The following ABCG2 variants were observed in gnomAD, a reference collection of about 807,000 sequenced individuals.
ABCG2 encodes ATP binding cassette subfamily G member 2 (JR blood group), also known as broad substrate specificity ATP-binding cassette transporter ABCG2.
In ABCG2, 80 loss-of-function variants were observed where a neutral mutation model predicts 73.5. The observed-to-expected ratio is 1.09, with a 90% CI of 0.91 to 1.31. The LOEUF (loss-of-function observed/expected upper bound fraction) is 1.31, where lower values mean the gene tolerates loss of function less well. Among genes scored for constraint, ABCG2 ranks in the 50% most tolerant of loss-of-function variants. The probability of loss-of-function intolerance (pLI) is 0.00; values close to 1 mark genes in which losing one functional copy is unlikely to be tolerated. For missense variants in ABCG2, 796 were observed against 786.2 expected (o/e 1.01, Z -0.15); for synonymous variants, 269 against 282.4 (o/e 0.95, Z 0.48).
In ABCG2 at chr4:88,117,380, C is replaced by T. The variant is rs1345182878; in HGVS notation, c.841+729G>A. Among the ~76,000 whole-genome samples, 3 of 151,848 alleles carry T rather than the reference C, an allele frequency of 2.0e-5. No individual in the cohort carries two copies. The East Asian group carries it at 5.8e-4, about 29-fold the overall frequency. The stretch of plus-strand genomic sequence containing the variant: ...GGGTGCAGTGGCTCACACCTATAAT[C>T]CCAGCACGTTGGGAGGCCGAGGTGG... On this transcript the variant is annotated intron_variant, in intron 7 of 15. Transcript: ENST00000237612.
chr4:88,118,554 CA>C lies in ABCG2; in HGVS notation c.690-295del, dbSNP rs1723755824. Among the ~76,000 whole-genome samples, 3 of 152,264 alleles carry C rather than the reference CA, an allele frequency of 2.0e-5. No individual in the cohort carries two copies. In the East Asian group the frequency reaches 5.8e-4, roughly 29 times the overall value. On this transcript the variant is annotated intron_variant, in intron 6 of 15. Transcript: ENST00000237612. ...CCAGACATTGAATTAGAATCTCTGG[CA>C]GTAGGTCTAGGGAATCCATATTTTA...
chr4:88,115,964 A>T (rs1412184351), intron 7 of ABCG2, among the ~76,000 whole-genome samples: 1 of 152,118 alleles, frequency 6.6e-6, no homozygotes. Flanking sequence ...GGAGGCCGAG[A>T]CCAGCAAACC....
chr4:88,160,116 C>T (rs913329180), upstream of ABCG2, among the ~76,000 whole-genome samples: 3 of 151,834 alleles, frequency 2.0e-5, no homozygotes, highest in African/African-American at 7.3e-5. Context: ...GGTGGCGAGG[C>T]TGTAATCCCA....
At chr4:88,127,010 T>C (rs189412924) in intron 5 of ABCG2, among the ~76,000 whole-genome samples, 89 of 152,328 alleles carry the variant, frequency 5.8e-4, no homozygotes, top group African/African-American at 1.9e-3. Context: ...GATGACATGA[T>C]TGTATATTTA....
At chr4:88,214,934 A>T (rs765371535) in intron 1 of ABCG2, among the ~76,000 whole-genome samples, 20 of 151,162 alleles carry the variant, frequency 1.3e-4, no homozygotes, top group Non-Finnish European at 1.9e-4. Context: ...ACAAAAATTT[A>T]AAAAATTATT....
At chr4:88,158,759 C>T, upstream of ABCG2, 1 of 381,066 alleles carries the variant, frequency 2.6e-6, no homozygotes, top group East Asian at 9.0e-5. Flanking sequence ...CGCGCGGCGG[C>T]CGGCGTGGGA....
At chr4:88,114,384 T>C (rs1047613594) in intron 8 of ABCG2, among the ~76,000 whole-genome samples, 1 of 152,150 alleles carries the variant, frequency 6.6e-6, no homozygotes, top group Non-Finnish European at 1.5e-5. Flanking sequence ...CCCAACACTT[T>C]GGGAGGCCAA....
chr4:88,143,019 C>T (rs1156853405), intron 1 of ABCG2, among the ~76,000 whole-genome samples: 1 of 152,092 alleles, frequency 6.6e-6, no homozygotes, highest in African/African-American at 2.4e-5. Flanking sequence ...AGAATTTTTT[C>T]ATCATTATTT....
chr4:88,160,442 C>CTA (rs1727246192), upstream of ABCG2, among the ~76,000 whole-genome samples: 1 of 151,964 alleles, frequency 6.6e-6, no homozygotes, highest in Admixed American at 6.6e-5. Context: ...CAGGAGGAGA[C>CTA]TGAACAAAAA....
At chr4:88,139,420 AT>A (rs1362360174) in intron 2 of ABCG2, among the ~76,000 whole-genome samples, 1 of 151,868 alleles carries the variant, frequency 6.6e-6, no homozygotes, top group Non-Finnish European at 1.5e-5. Flanking sequence ...CGCCCAGCTA[AT>A]TTTTTGTATT....
intron 1 of ABCG2, among the ~76,000 whole-genome samples, chr4:88,153,960 G>C (rs553554980): frequency 6.6e-6 from 1 of 152,314 alleles, no homozygotes; most frequent in Admixed American, 6.5e-5. Context: ...TGTTCTAAGA[G>C]GCAGGCTAGC....
chr4:88,184,897 T>C (rs1317909040), intron 1 of ABCG2, among the ~76,000 whole-genome samples: 1 of 152,118 alleles, frequency 6.6e-6, no homozygotes, highest in Non-Finnish European at 1.5e-5. Context: ...ATTCCATACA[T>C]CTACAGTGAA....
At chr4:88,117,781 A>G (rs896327746) in intron 7 of ABCG2, among the ~76,000 whole-genome samples, 9 of 152,240 alleles carry the variant, frequency 5.9e-5, no homozygotes, top group African/African-American at 2.2e-4. Flanking sequence ...AAAATGTTCA[A>G]GTGACAGAAT....
intron 1 of ABCG2, among the ~76,000 whole-genome samples, chr4:88,188,018 G>A (rs1455552121): frequency 6.6e-6 from 1 of 152,192 alleles, no homozygotes; most frequent in African/African-American, 2.4e-5. Context: ...AAAGCATCCT[G>A]TAAAATAAGC....
intron 1 of ABCG2, among the ~76,000 whole-genome samples, chr4:88,226,464 A>G (rs1560468292): frequency 6.6e-6 from 1 of 152,218 alleles, no homozygotes; most frequent in African/African-American, 2.4e-5. Flanking sequence ...TGGTGTTTCT[A>G]TTGTAAAGTA....
At chr4:88,113,594 A>G (rs923482390) in intron 8 of ABCG2, 41 bp from the exon 9 acceptor site, 2 of 1,595,360 alleles carry the variant, frequency 1.3e-6, no homozygotes, top group African/African-American at 2.7e-5. Flanking sequence ...AAACAAGATA[A>G]CAACAAATTT....
At chr4:88,119,313 T>C (rs1723802876) in intron 6 of ABCG2, among the ~76,000 whole-genome samples, 1 of 152,244 alleles carries the variant, frequency 6.6e-6, no homozygotes, top group South Asian at 2.1e-4. Context: ...CAGGTATGTC[T>C]TTATTAGCAG....
intron 1 of ABCG2, among the ~76,000 whole-genome samples, chr4:88,227,487 T>C (rs760762653): frequency 1.3e-5 from 2 of 152,212 alleles, no homozygotes; most frequent in Non-Finnish European, 2.9e-5. Context: ...TTTTAAAATA[T>C]TGACTGGAGC....
chr4:88,178,633 A>C (rs1487585891), intron 1 of ABCG2, among the ~76,000 whole-genome samples: 1 of 152,208 alleles, frequency 6.6e-6, no homozygotes, highest in Non-Finnish European at 1.5e-5. Flanking sequence ...CCCTGATTCC[A>C]GGCCTTGGTT....
Sources: gnomAD v4.1 joint callset for allele counts (sites outside exome capture counted in the v4.1 genomes callset) on GRCh38, gnomAD v4.1.1 for gene constraint, MANE v1.5 for transcripts, NCBI Gene and HGNC (gene_info 2026-07-23, HGNC 2026-07-21) for gene names.